Variants in MRPL54 observed in about 807,000 individuals in gnomAD.
MRPL54 encodes large ribosomal subunit protein mL54.
A neutral mutation model predicts 15.6 loss-of-function variants in MRPL54; 12 were observed. The ratio of observed to expected loss-of-function variants is 0.77; its 90% CI spans 0.49 to 1.24. The LOEUF is 1.24. Ranked by LOEUF, MRPL54 falls within the 50% of genes most tolerant of loss-of-function variation. MRPL54 has a pLI of 0.00. For synonymous variants in MRPL54, 91 were observed against 75.7 expected (o/e 1.20, Z -1.05); for missense variants, 178 against 186.8 (o/e 0.95, Z 0.28).
Position 3,766,988 on chromosome 19 carries a change from G to T in MRPL54, c.285-273G>T, listed in dbSNP as rs538339283. The stretch of plus-strand genomic sequence containing the variant: ...GGAGGGTCAGGAAGGCTGAGCAAGT[G>T]GGGGCAGGTGGCATGATGTGGACAG... On this transcript the variant is annotated intron_variant, in intron 2 of 2. Coordinates refer to ENST00000330133, the MANE Select transcript of MRPL54 (RefSeq NM_172251.3). Among the ~76,000 whole-genome samples, 59 of 152,294 alleles carry T rather than the reference G, an allele frequency of 3.9e-4. 1 individual carries two copies. The South Asian group carries it at 0.011, about 29-fold the overall frequency.
chr19:3,765,913 AATT>A (rs757076265), intron 2 of MRPL54, among the ~76,000 whole-genome samples: 4 of 127,142 alleles, frequency 3.1e-5, no homozygotes, highest in Non-Finnish European at 3.3e-5. Flanking sequence ...AAAAAAAAAA[AATT>A]TTTTTTTTTC....
At chr19:3,764,091 AT>A (rs1291849955) in intron 1 of MRPL54, among the ~76,000 whole-genome samples, 6 of 149,756 alleles carry the variant, frequency 4.0e-5, no homozygotes, top group Admixed American at 3.3e-4. Context: ...TTATTTTTTT[AT>A]TTTCTTCAGA....
At chr19:3,764,910 C>T (rs925518345) in intron 1 of MRPL54, among the ~76,000 whole-genome samples, 1 of 151,690 alleles carries the variant, frequency 6.6e-6, no homozygotes, top group Non-Finnish European at 1.5e-5. Context: ...CGCCTGTAGT[C>T]CCAGCTACTT....
At chr19:3,767,126 GACC>G in intron 2 of MRPL54, 132 bp from the exon 3 acceptor site, 1 of 1,183,594 alleles carries the variant, frequency 8.4e-7, no homozygotes. Flanking sequence ...GTCGGGGAGG[GACC>G]ACCCTGAGAT....
At chr19:3,764,998 A>AG (rs1187031184) in intron 1 of MRPL54, among the ~76,000 whole-genome samples, 168 bp from the exon 2 acceptor site, 51 of 151,062 alleles carry the variant, frequency 3.4e-4, no homozygotes, top group Middle Eastern at 3.4e-3. Flanking sequence ...ACTGCACTCC[A>AG]CCTGGGCAAC....
intron 1 of MRPL54, among the ~76,000 whole-genome samples, chr19:3,764,659 T>G (rs11880760): frequency 0.89 from 133,686 of 150,478 alleles, 59,665 homozygotes; most frequent in East Asian, 1. Context: ...CAGGTGATCT[T>G]CCCACCTCGG....
chr19:3,765,606 AT>A lies in MRPL54; in HGVS notation c.284+283del, dbSNP rs531438939. Among the ~76,000 whole-genome samples the A allele has an allele frequency of 1.5e-3, 221 of 152,116 alleles. 1 individual carries two copies. The highest frequency in any genetic ancestry group is 2.2e-3 in the Non-Finnish European group (151 of 68,002). On this transcript the variant is annotated intron_variant, in intron 2 of 2. Coordinates refer to ENST00000330133, the MANE Select transcript of MRPL54 (RefSeq NM_172251.3). ...TATCTTAAGCAAATACTTAAAAAAA[AT>A]TTTTTTTCAGGCTGGGCGCCGTGGC...
At chr19:3,762,878 C>T in intron 1 of MRPL54, 60 bp downstream of exon 1, 7 of 1,339,288 alleles carry the variant, frequency 5.2e-6, no homozygotes, top group Non-Finnish European at 7.1e-6. Flanking sequence ...ATTGACAGTG[C>T]GCAGGCGGTG....
In MRPL54 at chr19:3,762,774, C is replaced by G; in HGVS notation, c.74C>G (p.Ala25Gly). 1.2e-6 allele frequency: 2 copies of G among 1,607,258 alleles called. No homozygotes were observed. The highest frequency in any genetic ancestry group is 1.7e-6 in the Non-Finnish European group (2 of 1,177,082). ...GGGGCCTGGGAGCTCCTAAACCCCG[C>G]CACTTCCGGAAGACTCCTGGCCCGG... is the stretch of plus-strand genomic sequence containing the variant. ...GWGAWELLNP[A>G]TSGRLLARDY... Residue 25 changes from alanine to glycine, a missense_variant, in exon 1 of 3, where the codon GCC becomes GGC. Ala to Gly is a moderately conservative substitution (Grantham distance 60). Coordinates refer to ENST00000330133, the MANE Select transcript of MRPL54 (RefSeq NM_172251.3).
intron 1 of MRPL54, among the ~76,000 whole-genome samples, chr19:3,764,665 C>T (rs948231509): frequency 7.3e-5 from 11 of 151,584 alleles, no homozygotes; most frequent in Non-Finnish European, 1.6e-4. Context: ...ATCTTCCCAC[C>T]TCGGCCTCCC....
chr19:3,767,510 A>G lies in MRPL54; in HGVS notation c.*117A>G, dbSNP rs1172428078. 1.5e-5 allele frequency: 22 copies of G among 1,424,376 alleles called. No individual in the cohort carries two copies. Among genetic ancestry groups the G allele is most frequent in the South Asian group, 1.3e-5 (1 of 78,548 alleles). 88.2% of individuals were successfully genotyped at this position (1,424,376 alleles called of 1,614,324 possible). ...AGCCTGGGTTTCCATGTGACCCCAC[A>G]GTGGGGCTGGACCAGGGCCCTGGAG... On this transcript the variant is annotated 3_prime_UTR_variant, in exon 3 of 3. Coordinates refer to ENST00000330133, the MANE Select transcript of MRPL54 (RefSeq NM_172251.3).
At position 3,765,211 on chromosome 19, in the gene MRPL54, C is replaced by G. The variant is rs867258969; in HGVS notation, c.164C>G (p.Ala55Gly). 1 of 1,613,462 alleles carries G rather than the reference C, an allele frequency of 6.2e-7. No homozygotes were observed. Among genetic ancestry groups the G allele is most frequent in the Non-Finnish European group, 8.5e-7 (1 of 1,179,836 alleles). Reference protein sequence around the residue: ...KSGKGAVTSEALKDPDVCTDP... With the variant: ...KSGKGAVTSEGLKDPDVCTDP... ...GGAAAAGGTGCAGTGACCAGCGAGG[C>G]CCTCAAGGACCCCGACGTATGCACA... Residue 55 changes from alanine (A) to glycine (G), a missense_variant, in exon 2 of 3, where the codon GCC becomes GGC. Coordinates refer to ENST00000330133, the MANE Select transcript of MRPL54 (RefSeq NM_172251.3).
chr19:3,767,486 G>C lies in MRPL54; in HGVS notation c.*93G>C. 5 of 1,540,046 alleles carry C rather than the reference G, an allele frequency of 3.2e-6. No homozygotes were observed. Among genetic ancestry groups the C allele is most frequent in the Non-Finnish European group, 4.4e-6 (5 of 1,148,972 alleles). On this transcript the variant is annotated 3_prime_UTR_variant, in exon 3 of 3. Transcript: ENST00000330133. ...TTGTGAGACAAGAGGCGGCTCCCCA[G>C]CCTGGGTTTCCATGTGACCCCACAG...
chr19:3,763,334 A>T (rs568737944), intron 1 of MRPL54, among the ~76,000 whole-genome samples: 1 of 152,334 alleles, frequency 6.6e-6, no homozygotes, highest in African/African-American at 2.4e-5. Context: ...TGAAAGGGGG[A>T]AATTGTCCAA....
rs1045737328 is a variant in MRPL54 at position 3,767,469 on chromosome 19, C to T, written c.*76C>T. The T allele has an allele frequency of 1.6e-5, 25 of 1,567,894 alleles. No homozygotes were observed. Among genetic ancestry groups the T allele is most frequent in the African/African-American group, 8.3e-5 (6 of 72,444 alleles). On this transcript the variant is annotated 3_prime_UTR_variant, in exon 3 of 3. Transcript: ENST00000330133. ...CCGGAGGACGTGGACTTTTGTGAGA[C>T]AAGAGGCGGCTCCCCAGCCTGGGTT...
Position 3,762,818 on chromosome 19 carries a change from G to C in MRPL54, c.118G>C (p.Val40Leu), listed in dbSNP as rs1568397428. 1 of 1,576,832 alleles carries C rather than the reference G, an allele frequency of 6.3e-7. No individual in the cohort carries two copies. Among genetic ancestry groups the C allele is most frequent in the African/African-American group, 1.4e-5 (1 of 73,160 alleles). The change falls in exon 1 of 3, where the codon GTT becomes CTT. Residue 40 changes from valine to leucine, a missense_variant and splice_region_variant. Physicochemically the swap from Val to Leu is conservative, Grantham distance 32. Transcript: ENST00000330133. ...LLARDYAKKP[V>L]MKGAKSGKGA... ...GGCCCGGGATTATGCCAAGAAACCA[G>C]GTGAGCTGGGTTAAGAGGAACCAAA...
intron 2 of MRPL54, 102 bp downstream of exon 2, chr19:3,765,433 A>G: frequency 1.5e-6 from 2 of 1,323,140 alleles, no homozygotes; most frequent in East Asian, 2.4e-5. Flanking sequence ...CCGGAGCCTA[A>G]TAGTCACACC....
rs766414992 is a variant in MRPL54 at position 3,765,293 on chromosome 19, G to A, written c.246G>A (p.Gln82=). The A allele has an allele frequency of 1.2e-6, 2 of 1,613,888 alleles. No individual in the cohort carries two copies. Among genetic ancestry groups the A allele is most frequent in the Admixed American group, 1.7e-5 (1 of 59,974 alleles). The change falls in exon 2 of 3, where the codon CAG becomes CAA. Residue 82 remains glutamine, a synonymous_variant. Transcript: ENST00000330133. ...AMGVNIYKEG[Q]DVPLKPDAEY... ...GCGTCAACATCTACAAGGAAGGGCA[G>A]GATGTACCCCTGAAACCGGATGCTG...
At chr19:3,762,960 G>A in intron 1 of MRPL54, 142 bp downstream of exon 1, 1 of 701,938 alleles carries the variant, frequency 1.4e-6, no homozygotes, top group African/African-American at 1.9e-5. Flanking sequence ...CGCAGGCGCA[G>A]TTTGAGGGAC....
Sources: allele counts gnomAD v4.1 joint callset (sites outside exome capture counted in the v4.1 genomes callset), GRCh38; gene constraint gnomAD v4.1.1; transcripts MANE v1.5; gene names NCBI Gene and HGNC (gene_info 2026-07-23, HGNC 2026-07-21).